The following ZNF385D variants were observed in gnomAD, a reference collection of about 807,000 sequenced individuals.
The protein encoded by ZNF385D is zinc finger protein 659.
ZNF385D carries 15 observed loss-of-function variants against 35.8 expected under a neutral mutation model. The ratio of observed to expected loss-of-function variants is 0.42; its 90% CI spans 0.28 to 0.64. The LOEUF (loss-of-function observed/expected upper bound fraction) is 0.64, where lower values mean the gene tolerates loss of function less well. ZNF385D is among the 30% of genes least tolerant of loss of function. The probability of loss-of-function intolerance (pLI) is 0.23; values close to 1 mark genes in which losing one functional copy is unlikely to be tolerated. For missense variants in ZNF385D, 474 were observed against 494.6 expected, an observed-to-expected ratio of 0.96 and a Z score of 0.39; for synonymous variants, 212 against 186.8, an observed-to-expected ratio of 1.13 and a Z score of -1.10.
rs1004710784 is a variant in ZNF385D at position 22,120,965 on chromosome 3, C to T, written c.325+47852G>A. On this transcript the variant is annotated intron_variant, in intron 3 of 5. Transcript: ENST00000494108. ...TGAATCACCAAGTTGTATTTTTCTT[C>T]TGACTAGACCATATTCAACATCTGA... 3.3e-5 allele frequency among the ~76,000 whole-genome samples: 5 copies of T among 152,244 alleles called. No individual in the cohort carries two copies. In the South Asian group the frequency reaches 1.0e-3, roughly 32 times the overall value.
At chr3:22,168,013 T>C (rs925231505) in intron 3 of ZNF385D, among the ~76,000 whole-genome samples, 2 of 152,218 alleles carry the variant, frequency 1.3e-5, no homozygotes, top group Non-Finnish European at 2.9e-5. Context: ...TACAAAATTA[T>C]ATTAAAAATC....
At chr3:21,432,669 G>A (rs76238412) in intron 5 of ZNF385D, among the ~76,000 whole-genome samples, 3,567 of 151,790 alleles carry the variant, frequency 0.023, 123 homozygotes, top group Admixed American at 0.089. Context: ...ATAGCATATA[G>A]GTCAAGGGAA....
intron 2 of ZNF385D, among the ~76,000 whole-genome samples, chr3:21,652,668 C>A (rs879747623): frequency 6.4e-4 from 93 of 144,258 alleles, no homozygotes; most frequent in Admixed American, 1.5e-3. Flanking sequence ...TGTTCCCCTT[C>A]CTGTGTCCAT....
chr3:21,576,027 GA>G (rs773318257), intron 2 of ZNF385D, among the ~76,000 whole-genome samples: 11 of 152,198 alleles, frequency 7.2e-5, no homozygotes, highest in Non-Finnish European at 1.2e-4. Flanking sequence ...ATGATTTCAT[GA>G]CACAATATGG....
chr3:22,135,121 A>G (rs1295113083), intron 3 of ZNF385D, among the ~76,000 whole-genome samples: 2 of 152,200 alleles, frequency 1.3e-5, no homozygotes. Context: ...ATTCAACAGC[A>G]TACTGCAAAT....
intron 1 of ZNF385D, among the ~76,000 whole-genome samples, chr3:21,679,483 G>A (rs1016502529): frequency 6.6e-6 from 1 of 152,044 alleles, no homozygotes; most frequent in Non-Finnish European, 1.5e-5. Flanking sequence ...GTCTAAGAAA[G>A]AGTTTTGAAA....
Position 21,969,872 on chromosome 3 carries a change from T to C in ZNF385D, c.325+198945A>G, listed in dbSNP as rs574455069. 9.9e-5 allele frequency among the ~76,000 whole-genome samples: 15 copies of C among 152,248 alleles called. No individual in the cohort carries two copies. The South Asian group carries it at 2.1e-3, about 21-fold the overall frequency. On this transcript the variant is annotated intron_variant, in intron 3 of 5. Coordinates refer to the ZNF385D transcript ENST00000494108. ...AGCTCAGAAAGGGATAGAAACTCCATTTGTTTGGGTGATAGTAAGGGAGCA... is the reference window on the plus strand; with the variant it reads ...AGCTCAGAAAGGGATAGAAACTCCACTTGTTTGGGTGATAGTAAGGGAGCA...
intron 2 of ZNF385D, among the ~76,000 whole-genome samples, chr3:22,243,423 G>T (rs1699600741): frequency 6.6e-6 from 1 of 151,004 alleles, no homozygotes; most frequent in Non-Finnish European, 1.5e-5. Context: ...GAGTTGACAA[G>T]AATTGGATTT....
intron 3 of ZNF385D, among the ~76,000 whole-genome samples, chr3:21,804,567 C>T (rs1386241389): frequency 6.6e-6 from 1 of 152,094 alleles, no homozygotes; most frequent in Non-Finnish European, 1.5e-5. Flanking sequence ...TCCTCCCTCC[C>T]CCAGAGTGTG....
intron 3 of ZNF385D, among the ~76,000 whole-genome samples, chr3:21,988,703 G>C (rs200046991): frequency 0.089 from 13,008 of 145,888 alleles, 491 homozygotes; most frequent in South Asian, 0.2. Context: ...CCACCCAGTT[G>C]GAGCTTCCTG....
At chr3:21,810,132 C>T (rs1228001362) in intron 3 of ZNF385D, among the ~76,000 whole-genome samples, 2 of 151,366 alleles carry the variant, frequency 1.3e-5, no homozygotes, top group African/African-American at 2.4e-5. Flanking sequence ...AACTGACACA[C>T]AAATAATCAA....
intron 3 of ZNF385D, among the ~76,000 whole-genome samples, chr3:22,084,511 T>G (rs1700926250): frequency 6.6e-6 from 1 of 152,098 alleles, no homozygotes; most frequent in Non-Finnish European, 1.5e-5. Context: ...AGGGATCAAT[T>G]CAACAAGAAG....
intron 3 of ZNF385D, among the ~76,000 whole-genome samples, chr3:21,562,503 G>A (rs896623400): frequency 6.6e-5 from 10 of 151,976 alleles, no homozygotes; most frequent in Admixed American, 5.2e-4. Flanking sequence ...GTAGGAGATT[G>A]GGTTCAGTGA....
At chr3:22,067,776 T>C (rs183979416) in intron 3 of ZNF385D, among the ~76,000 whole-genome samples, 116 of 152,252 alleles carry the variant, frequency 7.6e-4, no homozygotes, top group African/African-American at 2.8e-3. Context: ...GTAATTCCAG[T>C]ACTTTGGGAA....
chr3:21,533,272 C>A (rs2061965361), intron 3 of ZNF385D, among the ~76,000 whole-genome samples: 1 of 151,814 alleles, frequency 6.6e-6, no homozygotes, highest in Non-Finnish European at 1.5e-5. Context: ...GTCGAATGAA[C>A]TGCTGACACA....
At chr3:21,773,284 A>G (rs1160204970) in intron 3 of ZNF385D, among the ~76,000 whole-genome samples, 1 of 151,944 alleles carries the variant, frequency 6.6e-6, no homozygotes, top group Non-Finnish European at 1.5e-5. Flanking sequence ...TTGTGCTTTT[A>G]TACCTGGAAA....
chr3:22,152,501 G>A (rs1204444471), intron 3 of ZNF385D, among the ~76,000 whole-genome samples: 1 of 152,126 alleles, frequency 6.6e-6, no homozygotes, highest in African/African-American at 2.4e-5. Context: ...TGTTCCTTCT[G>A]AGGGCTGTAA....
At chr3:21,601,892 T>A (rs777564753) in intron 2 of ZNF385D, among the ~76,000 whole-genome samples, 2 of 152,196 alleles carry the variant, frequency 1.3e-5, no homozygotes, top group Admixed American at 6.5e-5. Flanking sequence ...AACATTGTCA[T>A]CATCCAGTCA....
intron 3 of ZNF385D, among the ~76,000 whole-genome samples, chr3:21,838,682 C>T (rs1444007384): frequency 6.6e-6 from 1 of 151,972 alleles, no homozygotes; most frequent in Admixed American, 6.6e-5. Flanking sequence ...CTCAAATGAG[C>T]CCTAGCTAGA....
Sources: gnomAD v4.1 joint callset for allele counts (sites outside exome capture counted in the v4.1 genomes callset) on GRCh38, gnomAD v4.1.1 for gene constraint, MANE v1.5 for transcripts, NCBI Gene and HGNC (gene_info 2026-07-23, HGNC 2026-07-21) for gene names.